Variants in YTHDC2 observed in about 807,000 individuals in gnomAD.
The protein encoded by YTHDC2 is YTH N6-methyladenosine RNA binding protein C2.
A neutral mutation model predicts 174.9 loss-of-function variants in YTHDC2; 45 were observed. The observed-to-expected ratio is 0.26, with a 90% confidence interval of 0.20 to 0.33. The LOEUF (loss-of-function observed/expected upper bound fraction) is 0.33. YTHDC2 is among the 10% of genes least tolerant of loss of function. The pLI is 1.00. For missense variants in YTHDC2, 1,650 were observed against 1,723.7 expected (o/e 0.96, Z 0.76); for synonymous variants, 657 against 574.5 (o/e 1.14, Z -2.05).
chr5:113,515,785 A>G (rs1270365067), intron 2 of YTHDC2, among the ~76,000 whole-genome samples: 5 of 152,232 alleles, frequency 3.3e-5, no homozygotes, highest in Non-Finnish European at 7.3e-5. Context: ...TTAAAAAATG[A>G]CAAGACAAAG....
intron 10 of YTHDC2, among the ~76,000 whole-genome samples, chr5:113,547,087 A>G (rs931299197): frequency 6.6e-6 from 1 of 152,180 alleles, no homozygotes; most frequent in Non-Finnish European, 1.5e-5. Flanking sequence ...AGTCCAGTTT[A>G]TATTCAGGGA....
At position 113,567,645 on chromosome 5, in the gene YTHDC2, T is replaced by G. The variant is rs1256221466; in HGVS notation, c.3049-9T>G. ...AATTAACAATTTTTAAAATTTATTT[T>G]CTTAATAGATTCCTCCAGCCAATGG... On this transcript the variant is annotated splice_polypyrimidine_tract_variant and intron_variant, in intron 22 of 29. Coordinates refer to ENST00000161863, the MANE Select transcript of YTHDC2 (RefSeq NM_022828.5). 3.2e-6 allele frequency: 5 copies of G among 1,575,524 alleles called. No homozygotes were observed. Among genetic ancestry groups the G allele is most frequent in the Middle Eastern group, 1.7e-4 (1 of 6,000 alleles).
chr5:113,540,957 A>G lies in YTHDC2; in HGVS notation c.1211-11A>G. ...TTTGTCTACATATTCTTTCTTTGAT[A>G]ATTAATTTAGAAGAGAAACAACAAA... On this transcript the variant is annotated splice_polypyrimidine_tract_variant and intron_variant, in intron 8 of 29. Transcript: ENST00000161863. The G allele has an allele frequency of 6.2e-7, 1 of 1,604,512 alleles. No individual in the cohort carries two copies. Among genetic ancestry groups the G allele is most frequent in the Non-Finnish European group, 8.5e-7 (1 of 1,175,764 alleles).
chr5:113,570,996 G>C (rs910286089), intron 23 of YTHDC2, among the ~76,000 whole-genome samples: 21 of 152,134 alleles, frequency 1.4e-4, no homozygotes, highest in Non-Finnish European at 2.6e-4. Flanking sequence ...GATTTCCTTG[G>C]CCTGAACTTC....
At chr5:113,534,459 A>C in intron 6 of YTHDC2, 52 bp downstream of exon 6, 1 of 1,493,824 alleles carries the variant, frequency 6.7e-7, no homozygotes, top group East Asian at 2.3e-5. Flanking sequence ...TTAAAATTTA[A>C]ATACATATGC....
chr5:113,556,140 G>A lies in YTHDC2; in HGVS notation c.2216+6G>A. 1.3e-6 allele frequency: 2 copies of A among 1,577,302 alleles called. No homozygotes were observed. The highest frequency in any genetic ancestry group is 1.3e-5 in the African/African-American group (1 of 74,212). ...GCCATACAGCGGAAAGGCAGGTAAT[G>A]TATATTTAATGTATATTCATTCAAT... On this transcript the variant is annotated splice_donor_region_variant and intron_variant, in intron 17 of 29. Transcript: ENST00000161863.
intron 19 of YTHDC2, 80 bp from the exon 20 acceptor site, chr5:113,563,779 C>T: frequency 6.8e-7 from 1 of 1,476,438 alleles, no homozygotes; most frequent in Non-Finnish European, 9.2e-7. Context: ...ATTCTTATTT[C>T]TCATTTAGGG....
At position 113,515,380 on chromosome 5, in the gene YTHDC2, CT is replaced by C. The variant is rs777088398; in HGVS notation, c.278+20del. Reference sequence around the variant, plus strand: ...AGTAAAGGGTAAGCTGGTAGCTTTTCTTATTTTTTTTAAAAAAGATTATTTG... The same window carrying C: ...AGTAAAGGGTAAGCTGGTAGCTTTTCTATTTTTTTTAAAAAAGATTATTTG... On this transcript the variant is annotated intron_variant, in intron 2 of 29. Coordinates refer to ENST00000161863, the MANE Select transcript of YTHDC2 (RefSeq NM_022828.5). The C allele has an allele frequency of 5.0e-6, 8 of 1,584,404 alleles. No individual in the cohort carries two copies. Among genetic ancestry groups the C allele is most frequent in the Non-Finnish European group, 1.7e-6 (2 of 1,167,896 alleles).
intron 18 of YTHDC2, among the ~76,000 whole-genome samples, chr5:113,563,069 A>AT (rs33947858): frequency 1.1e-4 from 17 of 147,930 alleles, no homozygotes; most frequent in East Asian, 6.0e-4. Flanking sequence ...GGGGGAAAAG[A>AT]TTTTTTTTTT....
chr5:113,571,158 C>A (rs746766679), intron 23 of YTHDC2, among the ~76,000 whole-genome samples: 9 of 152,104 alleles, frequency 5.9e-5, no homozygotes, highest in Non-Finnish European at 8.8e-5. Flanking sequence ...TGTTCCTTTA[C>A]TACCTAGTTT....
chr5:113,552,562 A>G (rs921135759), intron 12 of YTHDC2, among the ~76,000 whole-genome samples: 3 of 152,150 alleles, frequency 2.0e-5, no homozygotes, highest in Admixed American at 6.6e-5. Flanking sequence ...ATATTTGTCA[A>G]TTGATGAACA....
At chr5:113,552,237 A>G (rs1033515099) in intron 12 of YTHDC2, among the ~76,000 whole-genome samples, 8 of 152,108 alleles carry the variant, frequency 5.3e-5, no homozygotes, top group African/African-American at 1.9e-4. Context: ...ATGGTTTTTC[A>G]TATGTTCACA....
intron 2 of YTHDC2, among the ~76,000 whole-genome samples, chr5:113,515,966 G>A (rs922897786): frequency 6.6e-6 from 1 of 152,106 alleles, no homozygotes; most frequent in Non-Finnish European, 1.5e-5. Flanking sequence ...TTCCCTTTCT[G>A]GTAAAGCAGG....
rs140241490 is a variant in YTHDC2 at position 113,565,866 on chromosome 5, T to G, written c.2716-27T>G. The G allele has an allele frequency of 4.9e-4, 788 of 1,604,584 alleles. 7 individuals are homozygous for G. In the African/African-American group the frequency reaches 8.8e-3, roughly 18 times the overall value. Reference sequence around the variant, plus strand: ...TAAGAAGCGATTAGTAAATGTGTCTTGTTATGCAATTATTCTCTTTTTATA... The same window carrying G: ...TAAGAAGCGATTAGTAAATGTGTCTGGTTATGCAATTATTCTCTTTTTATA... On this transcript the variant is annotated intron_variant, in intron 20 of 29. Coordinates refer to ENST00000161863, the MANE Select transcript of YTHDC2 (RefSeq NM_022828.5).
At chr5:113,514,270 T>C (rs753320624) in intron 1 of YTHDC2, 188 bp downstream of exon 1, 3 of 737,168 alleles carry the variant, frequency 4.1e-6, no homozygotes, top group South Asian at 3.0e-5. Context: ...TGCGGTGGAA[T>C]GCGAGGTGCT....
In YTHDC2 at chr5:113,579,287, T is replaced by C. The variant is rs1778250057; in HGVS notation, c.3245-299T>C. On this transcript the variant is annotated intron_variant, in intron 23 of 29. Transcript: ENST00000161863. ...GTAGTATAGTCATTCCTTCCTTGAA[T>C]TATGTTATTTGTTTCTTTTTCATCC... 2.0e-5 allele frequency among the ~76,000 whole-genome samples: 3 copies of C among 152,154 alleles called. No homozygotes were observed. The South Asian group carries it at 6.2e-4, about 31-fold the overall frequency.
chr5:113,534,005 TA>T lies in YTHDC2; in HGVS notation c.843-294del, dbSNP rs1410262432. On this transcript the variant is annotated intron_variant, in intron 5 of 29. Transcript: ENST00000161863. ...TACTTTTTTTATTCTCAGTGGTGAT[TA>T]AAAAATCTGATTCCATTTGTAACAT... is the stretch of plus-strand genomic sequence containing the variant. Among the ~76,000 whole-genome samples, 15 of 152,322 alleles carry T rather than the reference TA, an allele frequency of 9.8e-5. No individual in the cohort carries two copies. In the East Asian group the frequency reaches 2.9e-3, roughly 29 times the overall value.
At chr5:113,560,603 T>C (rs1776899008) in intron 17 of YTHDC2, among the ~76,000 whole-genome samples, 1 of 152,226 alleles carries the variant, frequency 6.6e-6, no homozygotes, top group African/African-American at 2.4e-5. Flanking sequence ...ACTGCTTTTC[T>C]TCCAGGTATT....
At chr5:113,549,824 A>C (rs1776128624) in intron 12 of YTHDC2, among the ~76,000 whole-genome samples, 1 of 151,932 alleles carries the variant, frequency 6.6e-6, no homozygotes, top group Admixed American at 6.6e-5. Context: ...TCTTCTCCCT[A>C]CCAGAATGTA....
Sources: allele counts gnomAD v4.1 joint callset (sites outside exome capture counted in the v4.1 genomes callset), GRCh38; gene constraint gnomAD v4.1.1; transcripts MANE v1.5; gene names NCBI Gene and HGNC (gene_info 2026-07-23, HGNC 2026-07-21).